ANK3: variants seen among roughly 807,000 people sequenced by gnomAD.
ANK3 encodes ankyrin 3, also known as ankyrin-3.
In ANK3, 57 loss-of-function variants were observed where a neutral mutation model predicts 370.9. That is an observed-to-expected ratio of 0.15 (90% CI 0.12 to 0.19). ANK3 has a LOEUF of 0.19. Ranked by LOEUF, ANK3 falls within the 10% of genes least tolerant of loss-of-function variation. ANK3 has a pLI of 1.00. For synonymous variants in ANK3, 1,929 were observed against 1,946.3 expected (o/e 0.99, Z 0.23); for missense variants, 4,439 against 5,302.1 (o/e 0.84, Z 5.06).
intron 1 of ANK3, among the ~76,000 whole-genome samples, chr10:60,334,905 A>G (rs1018645215): frequency 2.6e-5 from 4 of 152,154 alleles, no homozygotes; most frequent in Non-Finnish European, 5.9e-5. Context: ...GTTAACGTAT[A>G]TCTGGAGTGG....
intron 8 of ANK3, among the ~76,000 whole-genome samples, chr10:60,230,653 G>A (rs2097225883): frequency 6.6e-6 from 1 of 152,196 alleles, no homozygotes. Context: ...CACTTTGAGA[G>A]GCTGAGATGG....
At chr10:60,258,828 G>T (rs2097769192) in intron 7 of ANK3, among the ~76,000 whole-genome samples, 1 of 152,110 alleles carries the variant, frequency 6.6e-6, no homozygotes. Context: ...TTTTGTCACA[G>T]GCAGAAAACA....
chr10:60,052,882 A>G (rs10509119), intron 42 of ANK3, among the ~76,000 whole-genome samples: 24,075 of 151,866 alleles, frequency 0.16, 2,533 homozygotes, highest in East Asian at 0.59. Flanking sequence ...TGTTAGATAA[A>G]ATGCTTTATG....
intron 1 of ANK3, among the ~76,000 whole-genome samples, chr10:60,292,800 C>T (rs1379351245): frequency 2.6e-5 from 4 of 151,854 alleles, no homozygotes; most frequent in Admixed American, 6.6e-5. Flanking sequence ...CTCCACCTCC[C>T]GGGTTCAAGC....
intron 2 of ANK3, among the ~76,000 whole-genome samples, chr10:60,593,823 AC>A (rs2077950173): frequency 6.6e-6 from 1 of 152,192 alleles, no homozygotes. Flanking sequence ...AAAGCTACAA[AC>A]AGGAAAATGA....
In ANK3 at chr10:60,158,368, CT is replaced by C. The variant is rs537533491; in HGVS notation, c.2614+8222del. ...ATTGTGGTGTACAAACCACTCATAC[CT>C]TTGTAGGAAGACAAAAAGAGAAACC... On this transcript the variant is annotated intron_variant, in intron 23 of 43. Coordinates refer to ENST00000280772, the MANE Select transcript of ANK3 (RefSeq NM_020987.5). 5.7e-3 allele frequency among the ~76,000 whole-genome samples: 864 copies of C among 152,210 alleles called. 5 individuals carry two copies. The highest frequency in any genetic ancestry group is 9.0e-3 in the Non-Finnish European group (610 of 68,006).
intron 7 of ANK3, among the ~76,000 whole-genome samples, chr10:60,260,465 G>A (rs2097787531): frequency 6.6e-6 from 1 of 152,164 alleles, no homozygotes; most frequent in African/African-American, 2.4e-5. Context: ...CTTCTAAGAA[G>A]TGAGGGTTCA....
At chr10:60,377,277 A>G (rs2060914112) in intron 1 of ANK3, among the ~76,000 whole-genome samples, 1 of 152,246 alleles carries the variant, frequency 6.6e-6, no homozygotes, top group Non-Finnish European at 1.5e-5. Context: ...CCAGCCAGGT[A>G]GCAGATATGT....
intron 2 of ANK3, among the ~76,000 whole-genome samples, chr10:60,613,182 T>G (rs556078712): frequency 5.4e-4 from 82 of 152,316 alleles, no homozygotes; most frequent in African/African-American, 1.9e-3. Flanking sequence ...AATTATTAAC[T>G]TTACTAGATA....
chr10:60,140,403 T>G (rs980966144), intron 23 of ANK3: 8 of 1,613,588 alleles, frequency 5.0e-6, no homozygotes, highest in African/African-American at 1.3e-5. Context: ...GTTTTCCTGA[T>G]GTTTCCAGGA....
chr10:60,342,086 ACT>A (rs1457120964), intron 1 of ANK3, among the ~76,000 whole-genome samples: 1 of 151,840 alleles, frequency 6.6e-6, no homozygotes, highest in Non-Finnish European at 1.5e-5. Flanking sequence ...TTAAGCATCT[ACT>A]CTGTGTTCCA....
intron 1 of ANK3, among the ~76,000 whole-genome samples, chr10:60,383,547 GC>G (rs1025088786): frequency 3.9e-5 from 6 of 152,106 alleles, no homozygotes; most frequent in African/African-American, 1.4e-4. Flanking sequence ...CACCCAGCAA[GC>G]CCCAGTTTGG....
chr10:60,059,319 C>T (rs1331980627), intron 41 of ANK3, 21 bp downstream of exon 41: 5 of 1,603,774 alleles, frequency 3.1e-6, no homozygotes, highest in African/African-American at 2.7e-5. Flanking sequence ...GTTCACTTTC[C>T]TTTTTTTGAA....
At chr10:60,517,126 G>A (rs10821783) in intron 2 of ANK3, among the ~76,000 whole-genome samples, 64,582 of 151,834 alleles carry the variant, frequency 0.43, 14,754 homozygotes, top group East Asian at 0.78. Context: ...GTGCACTGGC[G>A]CGATCTTGGC....
chr10:60,722,266 C>A (rs1012207760), intron 1 of ANK3, among the ~76,000 whole-genome samples: 2 of 151,926 alleles, frequency 1.3e-5, no homozygotes, highest in Non-Finnish European at 2.9e-5. Flanking sequence ...TAGTTTCTGG[C>A]ATACCTGATG....
At position 60,080,627 on chromosome 10, in the gene ANK3, G is replaced by C; in HGVS notation, c.4351-9C>G. The stretch of plus-strand genomic sequence containing the variant: ...CTATCTGTTTTCTCAATCTGAAAAG[G>C]AAAAAAAAAAAGACAACTCTATTTC... On this transcript the variant is annotated splice_polypyrimidine_tract_variant and intron_variant, in intron 35 of 43. Coordinates refer to ENST00000280772, the MANE Select transcript of ANK3 (RefSeq NM_020987.5). 8.3e-7 allele frequency: 1 copy of C among 1,211,374 alleles called. No individual in the cohort carries two copies. Among genetic ancestry groups the C allele is most frequent in the Non-Finnish European group, 1.1e-6 (1 of 898,240 alleles). 75.0% of individuals were successfully genotyped at this position (1,211,374 alleles called of 1,614,324 possible). A position where few individuals can be genotyped will look rare whatever the true frequency, so the allele number is the denominator to read the frequency against.
rs201115226 is a variant in ANK3 at position 60,068,763 on chromosome 10, C to T, written c.12118G>A (p.Glu4040Lys). The change falls in exon 37 of 44, where the codon GAG becomes AAG. Residue 4040 changes from glutamate to lysine, a missense_variant. Glu to Lys is a moderately conservative substitution (Grantham distance 56). This residue lies in a region of ANK3 where 496 missense variants were observed against 529.3 expected (regional missense o/e 0.94). Transcript: ENST00000280772. The part of the protein sequence containing the change: ...ESTSRNTSLS[E>K]TSRGGQPSVT... ...GAAGGCTGGCCACCCCGGGAAGTCT[C>T]GGACAACGACGTGTTTCTTGAGGTA... 2.5e-5 allele frequency: 40 copies of T among 1,614,070 alleles called. No homozygotes were observed. Among genetic ancestry groups the T allele is most frequent in the Admixed American group, 1.0e-4 (6 of 59,998 alleles).
intron 1 of ANK3, among the ~76,000 whole-genome samples, chr10:60,632,897 A>T (rs2078503667): frequency 1.2e-5 from 1 of 82,802 alleles, no homozygotes; most frequent in Admixed American, 1.4e-4. Context: ...ACAAAAAAAT[A>T]AAAAACAAAA....
intron 2 of ANK3, among the ~76,000 whole-genome samples, chr10:60,417,017 G>A (rs1343902034): frequency 1.3e-5 from 2 of 152,110 alleles, no homozygotes; most frequent in South Asian, 2.1e-4. Context: ...AGAAGATGGT[G>A]GTAAAGAAAG....
Sources: allele counts gnomAD v4.1 joint callset (sites outside exome capture counted in the v4.1 genomes callset), GRCh38; gene constraint gnomAD v4.1.1; regional missense constraint gnomAD v4.1.1; transcripts MANE v1.5; gene names NCBI Gene and HGNC (gene_info 2026-07-23, HGNC 2026-07-21).